The following PDE1C variants were observed in gnomAD, a reference collection of about 807,000 sequenced individuals.
The protein encoded by PDE1C is dual specificity calcium/calmodulin-dependent 3',5'-cyclic nucleotide phosphodiesterase 1C.
Under a neutral mutation model 93.1 loss-of-function variants are expected in PDE1C, and 62 were observed. That is an observed-to-expected ratio of 0.67 (90% confidence interval 0.54 to 0.82). The LOEUF (loss-of-function observed/expected upper bound fraction) is 0.82, where lower values mean the gene tolerates loss of function less well. PDE1C is among the 40% of genes least tolerant of loss of function. The pLI, the probability that PDE1C is intolerant of heterozygous loss-of-function variation, is 0.00. For missense variants in PDE1C, 742 were observed against 884.6 expected (o/e 0.84, Z 2.04); for synonymous variants, 325 against 310.1 (o/e 1.05, Z -0.50).
the PDE1C span, among the ~76,000 whole-genome samples, chr7:31,645,223 G>T: frequency 6.6e-6 from 1 of 152,126 alleles, no homozygotes; most frequent in Non-Finnish European, 1.5e-5. Context: ...TGTAAGTGTA[G>T]AATTAACATT....
intron 14 of PDE1C, chr7:31,820,428 T>C (rs1007642667): frequency 2.0e-5 from 3 of 152,076 alleles, no homozygotes; most frequent in East Asian, 1.9e-4. Flanking sequence ...GACTTGAAAA[T>C]TGTTATGTCC....
intron 9 of PDE1C, among the ~76,000 whole-genome samples, chr7:31,844,805 T>C (rs1405817426): frequency 6.6e-6 from 1 of 152,054 alleles, no homozygotes; most frequent in African/African-American, 2.4e-5. Flanking sequence ...TTATCCCACA[T>C]GTCCCTAACT....
chr7:31,778,733 T>G (rs909382150), intron 16 of PDE1C, among the ~76,000 whole-genome samples: 1 of 152,206 alleles, frequency 6.6e-6, no homozygotes, highest in Non-Finnish European at 1.5e-5. Flanking sequence ...GGTGCCATAT[T>G]ACGTAGGCAC....
At chr7:32,071,207 T>C, upstream of PDE1C, 1 of 985,234 alleles carries the variant, frequency 1.0e-6, no homozygotes, top group South Asian at 4.7e-5. Context: ...AACCCTCACC[T>C]CAACAAGAGC....
At chr7:31,947,847 T>G (rs1806821230) in intron 2 of PDE1C, among the ~76,000 whole-genome samples, 1 of 152,158 alleles carries the variant, frequency 6.6e-6, no homozygotes, top group African/African-American at 2.4e-5. Flanking sequence ...CATAGATTTT[T>G]AAGGAGAGGA....
chr7:31,713,363 G>A, the PDE1C span, among the ~76,000 whole-genome samples: 1 of 152,240 alleles, frequency 6.6e-6, no homozygotes, highest in Admixed American at 6.5e-5. Flanking sequence ...GATGCAAGAG[G>A]TGGGCTCCCA....
intron 2 of PDE1C, among the ~76,000 whole-genome samples, chr7:32,001,135 T>C (rs11767275): frequency 0.25 from 38,172 of 152,122 alleles, 4,928 homozygotes; most frequent in Non-Finnish European, 0.28. Context: ...AGCATGTGAA[T>C]AAGCATTCTT....
the PDE1C span, among the ~76,000 whole-genome samples, chr7:31,671,090 TG>T: frequency 5.3e-5 from 8 of 152,146 alleles, no homozygotes; most frequent in Non-Finnish European, 1.0e-4. Flanking sequence ...ATCTCCAATT[TG>T]TTCATGCGAC....
the PDE1C span, among the ~76,000 whole-genome samples, chr7:31,650,532 A>C: frequency 6.6e-6 from 1 of 152,174 alleles, no homozygotes; most frequent in Non-Finnish European, 1.5e-5. Context: ...GACAAAGTTC[A>C]ATTCTAGATT....
At chr7:31,633,326 C>G in the PDE1C span, among the ~76,000 whole-genome samples, 1 of 152,064 alleles carries the variant, frequency 6.6e-6, no homozygotes, top group African/African-American at 2.4e-5. Context: ...GTAGAGGTGG[C>G]CAATACAAAG....
chr7:31,822,287 C>G (rs1448501841), intron 14 of PDE1C, among the ~76,000 whole-genome samples: 1 of 152,020 alleles, frequency 6.6e-6, no homozygotes, highest in African/African-American at 2.4e-5. Context: ...GCCACCATGT[C>G]TTTGTCCCTA....
At chr7:32,398,520 C>T (rs763572452) in intron 1 of PDE1C, among the ~76,000 whole-genome samples, 5 of 151,538 alleles carry the variant, frequency 3.3e-5, no homozygotes, top group Admixed American at 3.3e-4. Flanking sequence ...TCCCAAGTAG[C>T]TGGGATTACA....
chr7:32,071,673 T>C (rs1796071126), upstream of PDE1C, among the ~76,000 whole-genome samples: 1 of 152,198 alleles, frequency 6.6e-6, no homozygotes, highest in Non-Finnish European at 1.5e-5. Context: ...TGCAACTCAC[T>C]GTCAGGGTTC....
At chr7:32,250,786 T>C (rs946566530) in intron 1 of PDE1C, among the ~76,000 whole-genome samples, 1 of 152,156 alleles carries the variant, frequency 6.6e-6, no homozygotes, top group Non-Finnish European at 1.5e-5. Context: ...CTGCATGAAA[T>C]CTGTTTCATA....
chr7:31,790,120 T>C (rs1328751138), intron 16 of PDE1C: 2 of 1,559,314 alleles, frequency 1.3e-6, no homozygotes, highest in Admixed American at 2.0e-5. Context: ...GGGGCTTGTG[T>C]TTGAAAGTTG....
the PDE1C span, among the ~76,000 whole-genome samples, chr7:31,637,840 G>T: frequency 6.6e-6 from 1 of 152,120 alleles, no homozygotes; most frequent in Non-Finnish European, 1.5e-5. Flanking sequence ...GTATTGCCTA[G>T]GTTTTCTTCT....
intron 3 of PDE1C, among the ~76,000 whole-genome samples, chr7:32,088,017 A>T (rs566843651): frequency 4.9e-5 from 7 of 142,484 alleles, no homozygotes; most frequent in Non-Finnish European, 7.6e-5. Context: ...TAAAATAAAA[A>T]AATAAAAAAT....
chr7:31,803,624 A>G (rs1485395158), intron 16 of PDE1C, among the ~76,000 whole-genome samples: 1 of 151,372 alleles, frequency 6.6e-6, no homozygotes, highest in Non-Finnish European at 1.5e-5. Flanking sequence ...TTCAATTCCC[A>G]CCTATGAGTG....
chr7:32,169,073 T>C (rs1239897508), intron 3 of PDE1C, among the ~76,000 whole-genome samples: 1 of 152,156 alleles, frequency 6.6e-6, no homozygotes, highest in Non-Finnish European at 1.5e-5. Context: ...TCTTAATTTC[T>C]GATACCAGTA....
Sources: gnomAD v4.1 joint callset for allele counts (sites outside exome capture counted in the v4.1 genomes callset) on GRCh38, gnomAD v4.1.1 for gene constraint, MANE v1.5 for transcripts, NCBI Gene and HGNC (gene_info 2026-07-23, HGNC 2026-07-21) for gene names.